PEPD: variants seen among roughly 807,000 people sequenced by gnomAD.
PEPD encodes peptidase D, also known as xaa-Pro dipeptidase.
In PEPD, 53 loss-of-function variants were observed where a neutral mutation model predicts 60.7. The ratio of observed to expected loss-of-function variants is 0.87; its 90% confidence interval spans 0.70 to 1.10. PEPD has a LOEUF of 1.10. Among genes scored for constraint, PEPD ranks in the 50% least tolerant of loss-of-function variants. PEPD has a pLI of 0.00. For synonymous variants in PEPD, 267 were observed against 284.1 expected, an observed-to-expected ratio of 0.94 and a Z score of 0.60; for missense variants, 711 against 711.9, an observed-to-expected ratio of 1.00 and a Z score of 0.01.
intron 3 of PEPD, 34 bp downstream of exon 3, chr19:33,510,994 G>T: frequency 6.2e-7 from 1 of 1,604,538 alleles, no homozygotes. Flanking sequence ...CCCATGGTTG[G>T]TAGCCATGGT....
intron 11 of PEPD, among the ~76,000 whole-genome samples, chr19:33,411,356 A>G (rs961300381): frequency 6.6e-6 from 1 of 152,174 alleles, no homozygotes; most frequent in Non-Finnish European, 1.5e-5. Context: ...CGGAGAGGAC[A>G]GCCTGGACAG....
At chr19:33,448,612 G>C (rs907595131) in intron 9 of PEPD, among the ~76,000 whole-genome samples, 3 of 151,910 alleles carry the variant, frequency 2.0e-5, no homozygotes, top group African/African-American at 7.3e-5. Context: ...TGATAGAGAT[G>C]CTGGTATGAG....
chr19:33,487,619 C>G (rs1231216520), intron 6 of PEPD, among the ~76,000 whole-genome samples: 1 of 152,194 alleles, frequency 6.6e-6, no homozygotes, highest in Non-Finnish European at 1.5e-5. Context: ...CTCAGCCCAG[C>G]CCCCAGCTGA....
intron 4 of PEPD, among the ~76,000 whole-genome samples, chr19:33,495,873 C>T (rs1004987598): frequency 1.3e-5 from 2 of 152,020 alleles, no homozygotes; most frequent in African/African-American, 4.8e-5. Flanking sequence ...CCCAGCTACT[C>T]GGGAGGCTGA....
chr19:33,455,360 G>C lies in PEPD; in HGVS notation c.671+7635C>G, dbSNP rs919575271. 2.0e-5 allele frequency among the ~76,000 whole-genome samples: 3 copies of C among 151,906 alleles called. No individual in the cohort carries two copies. In the South Asian group the frequency reaches 6.3e-4, roughly 32 times the overall value. ...AAACACACACGTGGAAAAGGCCAAGGGAGATGCTGAAAAGGCAGCTGATAA... is the reference window on the plus strand; with the variant it reads ...AAACACACACGTGGAAAAGGCCAAGCGAGATGCTGAAAAGGCAGCTGATAA... On this transcript the variant is annotated intron_variant, in intron 9 of 14. Transcript: ENST00000244137.
chr19:33,498,231 C>T (rs960490610), intron 4 of PEPD, among the ~76,000 whole-genome samples: 4 of 152,110 alleles, frequency 2.6e-5, no homozygotes, highest in Admixed American at 6.5e-5. Context: ...ATGGCAGTGG[C>T]GTTGACGGGG....
intron 12 of PEPD, among the ~76,000 whole-genome samples, chr19:33,392,655 C>T (rs903866317): frequency 6.6e-6 from 1 of 152,234 alleles, no homozygotes; most frequent in African/African-American, 2.4e-5. Context: ...GTGACCTTGG[C>T]TCCCGAGGGC....
chr19:33,422,366 C>T (rs907689173), intron 9 of PEPD, among the ~76,000 whole-genome samples: 34 of 151,928 alleles, frequency 2.2e-4, no homozygotes, highest in African/African-American at 8.0e-4. Context: ...CCTATATCTA[C>T]CTACTTATCA....
intron 12 of PEPD, among the ~76,000 whole-genome samples, chr19:33,398,446 G>A (rs1968415598): frequency 1.3e-5 from 2 of 152,230 alleles, no homozygotes; most frequent in African/African-American, 4.8e-5. Flanking sequence ...CAGAGTGGGA[G>A]GCCAGCCCTG....
Position 33,387,251 on chromosome 19 carries a change from C to T in PEPD, c.*93G>A. 2 of 1,463,958 alleles carry T rather than the reference C, an allele frequency of 1.4e-6. No homozygotes were observed. Among genetic ancestry groups the T allele is most frequent in the Non-Finnish European group, 1.9e-6 (2 of 1,056,042 alleles). 90.7% of individuals were successfully genotyped at this position (1,463,958 alleles called of 1,614,324 possible). ...GCTGGGATCTGATTCTGGGTGCCGT[C>T]TCTCGCTACTGGAGTGCTGACCAGC... On this transcript the variant is annotated 3_prime_UTR_variant, in exon 15 of 15. Coordinates refer to ENST00000244137, the MANE Select transcript of PEPD (RefSeq NM_000285.4).
chr19:33,395,850 G>A (rs983255523), intron 12 of PEPD, among the ~76,000 whole-genome samples: 1 of 152,246 alleles, frequency 6.6e-6, no homozygotes, highest in South Asian at 2.1e-4. Flanking sequence ...GCTCCGGCCG[G>A]GGTCCCAGGG....
intron 6 of PEPD, among the ~76,000 whole-genome samples, chr19:33,480,568 G>A (rs1396275684): frequency 3.3e-5 from 5 of 152,128 alleles, no homozygotes; most frequent in East Asian, 1.9e-4. Flanking sequence ...AGGCCAAGGC[G>A]GGTGGATCAC....
chr19:33,431,663 G>A (rs73588250), intron 9 of PEPD, among the ~76,000 whole-genome samples: 2,800 of 152,146 alleles, frequency 0.018, 80 homozygotes, highest in African/African-American at 0.063. Flanking sequence ...CTAGTGGAGG[G>A]ACCACTCTTT....
At chr19:33,417,498 C>T (rs1968914819) in intron 9 of PEPD, among the ~76,000 whole-genome samples, 1 of 152,234 alleles carries the variant, frequency 6.6e-6, no homozygotes, top group South Asian at 2.1e-4. Flanking sequence ...ACCTCAAGGG[C>T]AAATCTTGGC....
intron 12 of PEPD, among the ~76,000 whole-genome samples, chr19:33,398,062 A>T (rs1465772536): frequency 6.6e-6 from 1 of 152,126 alleles, no homozygotes; most frequent in Non-Finnish European, 1.5e-5. Flanking sequence ...TCAGCACAGG[A>T]GACTGAGGGG....
chr19:33,387,537 G>C lies in PEPD; in HGVS notation c.1345-56C>G, dbSNP rs1262013298. 3.1e-6 allele frequency: 5 copies of C among 1,606,886 alleles called. No homozygotes were observed. The African/African-American group carries it at 5.3e-5, about 17-fold the overall frequency. ...TAGAGCAGCCTCATGTGCCAGGCTAGAGGGCCGGGCCCATTCCAGGCCCAC... is the reference window on the plus strand; with the variant it reads ...TAGAGCAGCCTCATGTGCCAGGCTACAGGGCCGGGCCCATTCCAGGCCCAC... On this transcript the variant is annotated intron_variant, in intron 14 of 14. Coordinates refer to ENST00000244137, the MANE Select transcript of PEPD (RefSeq NM_000285.4).
At position 33,489,924 on chromosome 19, in the gene PEPD, C is replaced by G. The variant is rs565775392; in HGVS notation, c.503+72G>C. ...CATAGTTCATGTCTTATTTGTAGACCGGGAAAGACCTGCTAGTGAAGGTGG... is the reference window on the plus strand; with the variant it reads ...CATAGTTCATGTCTTATTTGTAGACGGGGAAAGACCTGCTAGTGAAGGTGG... On this transcript the variant is annotated intron_variant, in intron 6 of 14. Transcript: ENST00000244137. 5 of 870,976 alleles carry G rather than the reference C, an allele frequency of 5.7e-6. No homozygotes were observed. In the East Asian group the frequency reaches 1.0e-4, roughly 18 times the overall value. 54.0% of individuals were successfully genotyped at this position (870,976 alleles called of 1,614,324 possible). A position where few individuals can be genotyped will look rare whatever the true frequency, so the allele number is the denominator to read the frequency against.
chr19:33,420,746 T>TA (rs144838931), intron 9 of PEPD, among the ~76,000 whole-genome samples: 9,705 of 142,488 alleles, frequency 0.068, 1,058 homozygotes, highest in African/African-American at 0.23. Context: ...TAGCTGTAAT[T>TA]AAAAAAAAAA....
chr19:33,453,909 T>G (rs1969748548), intron 9 of PEPD, among the ~76,000 whole-genome samples: 1 of 152,208 alleles, frequency 6.6e-6, no homozygotes, highest in Admixed American at 6.5e-5. Flanking sequence ...CTATACTGCC[T>G]CCTAAGTCGG....
Sources: allele counts gnomAD v4.1 joint callset (sites outside exome capture counted in the v4.1 genomes callset), GRCh38; gene constraint gnomAD v4.1.1; transcripts MANE v1.5; gene names NCBI Gene and HGNC (gene_info 2026-07-23, HGNC 2026-07-21).